Variants in DCAF8L2 observed in about 807,000 individuals in gnomAD.
DCAF8L2 encodes the protein DDB1 and CUL4 associated factor 8 like 2.
For missense variants in DCAF8L2, 430 were observed against 490.7 expected, an observed-to-expected ratio of 0.88 and a Z score of 1.17; for synonymous variants, 200 against 190.9, an observed-to-expected ratio of 1.05 and a Z score of -0.39.
chrX:27,523,769 C>T, the DCAF8L2 span, among the ~76,000 whole-genome samples: 16 of 109,300 alleles, frequency 1.5e-4, no homozygotes, highest in African/African-American at 4.7e-4. Context: ...TCTCCCCCGT[C>T]CCCCCACCCC....
intron 3 of DCAF8L2, among the ~76,000 whole-genome samples, chrX:27,690,948 T>C (rs1930691493): frequency 8.9e-6 from 1 of 111,930 alleles, no homozygotes; most frequent in Non-Finnish European, 1.9e-5. Flanking sequence ...TCATGTCTAT[T>C]AATATTCCCA....
chrX:27,679,789 A>G (rs1436427631), intron 3 of DCAF8L2, among the ~76,000 whole-genome samples: 1 of 111,623 alleles, frequency 9.0e-6, no homozygotes, highest in Non-Finnish European at 1.9e-5. Flanking sequence ...ATGCTGTTTT[A>G]TAAGGATCAG....
intron 4 of DCAF8L2, among the ~76,000 whole-genome samples, chrX:27,717,944 A>G (rs767988816): frequency 8.0e-5 from 9 of 112,029 alleles, no homozygotes; most frequent in Non-Finnish European, 1.7e-4. Flanking sequence ...ATTCCGTTGA[A>G]TTGCCATAAC....
At chrX:27,514,677 AAAAAAAAAAAAAAAAAAAC>A in the DCAF8L2 span, among the ~76,000 whole-genome samples, 37 of 71,023 alleles carry the variant, frequency 5.2e-4, 1 homozygote, top group African/African-American at 2.4e-3. Flanking sequence ...TCAAAAAAAA[AAAAAAAAAAAAAAAAAAAC>A]AAAAAAAAAA....
At chrX:27,554,152 C>T in the DCAF8L2 span, among the ~76,000 whole-genome samples, 1 of 111,570 alleles carries the variant, frequency 9.0e-6, no homozygotes, top group Non-Finnish European at 1.9e-5. Context: ...AAAATATTTA[C>T]TCTCCGGCGC....
chrX:27,558,502 G>C, the DCAF8L2 span, among the ~76,000 whole-genome samples: 1 of 111,483 alleles, frequency 9.0e-6, no homozygotes, highest in East Asian at 2.8e-4. Flanking sequence ...CTACTTCTTA[G>C]TTTCCAGATA....
At chrX:27,509,567 T>C in the DCAF8L2 span, among the ~76,000 whole-genome samples, 3 of 112,185 alleles carry the variant, frequency 2.7e-5, no homozygotes, top group African/African-American at 9.7e-5. Context: ...CTAATGAACA[T>C]TGCATTTTTA....
the DCAF8L2 span, among the ~76,000 whole-genome samples, chrX:27,514,258 T>C: frequency 5.4e-5 from 2 of 36,925 alleles, no homozygotes; most frequent in African/African-American, 9.3e-5. Flanking sequence ...TGTACATATA[T>C]GTGTGCATAT....
chrX:27,597,518 A>G (rs1926414189), intron 1 of DCAF8L2, among the ~76,000 whole-genome samples: 1 of 111,903 alleles, frequency 8.9e-6, no homozygotes, highest in Non-Finnish European at 1.9e-5. Context: ...AGTGTGATTT[A>G]CTTAGTAATG....
In DCAF8L2 at chrX:27,644,615, T is replaced by C. The variant is rs765236605; in HGVS notation, c.-220+12615T>C. Among the ~76,000 whole-genome samples the C allele has an allele frequency of 5.4e-5, 6 of 110,941 alleles. No homozygotes were observed. In the East Asian group the frequency reaches 8.6e-4, roughly 16 times the overall value. On this transcript the variant is annotated intron_variant, in intron 2 of 4. Transcript: ENST00000451261. ...AGCTAAGGGGAAGCCACAGGAGCCA[T>C]AGATCTATGAAGAGGAGGCTGGAAA...
At chrX:27,696,539 A>G (rs1413060099) in intron 3 of DCAF8L2, among the ~76,000 whole-genome samples, 1 of 111,733 alleles carries the variant, frequency 8.9e-6, no homozygotes, top group Non-Finnish European at 1.9e-5. Flanking sequence ...TATGATACCT[A>G]GTCCTCATAT....
intron 3 of DCAF8L2, among the ~76,000 whole-genome samples, chrX:27,680,403 G>C (rs1930281997): frequency 8.9e-6 from 1 of 112,325 alleles, no homozygotes; most frequent in African/African-American, 3.2e-5. Flanking sequence ...AAGTAAGCGT[G>C]AGTATGAATG....
chrX:27,659,371 G>A (rs1311647779), intron 2 of DCAF8L2, among the ~76,000 whole-genome samples: 1 of 111,948 alleles, frequency 8.9e-6, no homozygotes, highest in Non-Finnish European at 1.9e-5. Context: ...GCTAGGGGTA[G>A]GGGTCATTAT....
intron 1 of DCAF8L2, among the ~76,000 whole-genome samples, chrX:27,616,749 CATGATATCTCTGGGGGTA>C (rs1361306247): frequency 9.0e-6 from 1 of 111,150 alleles, no homozygotes; most frequent in Non-Finnish European, 1.9e-5. Flanking sequence ...GCTCTTTGTC[CATGATATCTCTGGGGGTA>C]ATTGTCCTAG....
the DCAF8L2 span, among the ~76,000 whole-genome samples, chrX:27,502,313 T>G: frequency 1.5e-3 from 44 of 29,762 alleles, no homozygotes; most frequent in Non-Finnish European, 2.1e-3. Context: ...AGAGTGAAAC[T>G]CTGTAAAAAA....
intron 1 of DCAF8L2, among the ~76,000 whole-genome samples, chrX:27,592,080 T>C (rs1194722696): frequency 1.8e-5 from 2 of 112,559 alleles, no homozygotes; most frequent in Admixed American, 1.9e-4. Flanking sequence ...CAGTGGCTGC[T>C]GACCACCGTG....
At chrX:27,701,822 A>C (rs1201624478) in intron 3 of DCAF8L2, among the ~76,000 whole-genome samples, 7 of 110,737 alleles carry the variant, frequency 6.3e-5, no homozygotes, top group Non-Finnish European at 7.6e-5. Context: ...GAGCAAACTA[A>C]ATCCAGATAA....
At chrX:27,558,697 G>A in the DCAF8L2 span, among the ~76,000 whole-genome samples, 27 of 108,057 alleles carry the variant, frequency 2.5e-4, no homozygotes, top group Non-Finnish European at 5.2e-4. Flanking sequence ...CCATGCTGGT[G>A]TGCTGCACCC....
the DCAF8L2 span, among the ~76,000 whole-genome samples, chrX:27,537,154 A>C: frequency 8.9e-6 from 1 of 112,220 alleles, no homozygotes; most frequent in Non-Finnish European, 1.9e-5. Context: ...CAGTAAGAGC[A>C]ACAACATGTA....
Sources: allele counts gnomAD v4.1 joint callset (sites outside exome capture counted in the v4.1 genomes callset), GRCh38; gene constraint gnomAD v4.1.1; transcripts MANE v1.5; gene names NCBI Gene and HGNC (gene_info 2026-07-23, HGNC 2026-07-21).